The following NID2 variants were observed in gnomAD, a reference collection of about 807,000 sequenced individuals.
NID2 encodes the protein nidogen 2.
A neutral mutation model predicts 145.4 loss-of-function variants in NID2; 83 were observed. That is an observed-to-expected ratio of 0.57 (90% CI 0.48 to 0.69). The LOEUF (loss-of-function observed/expected upper bound fraction) is 0.69, where lower values mean the gene tolerates loss of function less well. NID2 is among the 30% of genes least tolerant of loss of function. NID2 has a pLI of 0.00. For synonymous variants in NID2, 739 were observed against 701.3 expected, an observed-to-expected ratio of 1.05 and a Z score of -0.85; for missense variants, 1,807 against 1,765.7, an observed-to-expected ratio of 1.02 and a Z score of -0.42.
At chr14:52,025,011 A>G (rs1422911057) in intron 12 of NID2, among the ~76,000 whole-genome samples, 1 of 152,224 alleles carries the variant, frequency 6.6e-6, no homozygotes, top group Non-Finnish European at 1.5e-5. Flanking sequence ...TTTGCTTTAA[A>G]CCAGAGAGCT....
rs1219515538 is a variant in NID2, at chr14:52,011,638, C to G, written c.3466G>C (p.Val1156Leu). ...CGTCCAGCAACATCTGTCCAGTACA[C>G]CATCCTCTCCCGGCAGTCGTAATCA... ...GIDYDCRERM[V>L]YWTDVAGRTI... The change falls in exon 17 of 22, where the codon GTG (valine) becomes CTG (leucine). Residue 1156 changes from valine to leucine, a missense_variant. Transcript: ENST00000216286. The G allele has an allele frequency of 6.2e-7, 1 of 1,614,212 alleles. No homozygotes were observed. Among genetic ancestry groups the G allele is most frequent in the Non-Finnish European group, 8.5e-7 (1 of 1,180,018 alleles).
intron 5 of NID2, among the ~76,000 whole-genome samples, chr14:52,043,329 G>A (rs985361465): frequency 6.6e-6 from 1 of 152,194 alleles, no homozygotes; most frequent in African/African-American, 2.4e-5. Flanking sequence ...AGACATAATA[G>A]AGAAGCTAAC....
chr14:52,039,923 A>C (rs1892214334), intron 8 of NID2, among the ~76,000 whole-genome samples: 1 of 152,114 alleles, frequency 6.6e-6, no homozygotes, highest in African/African-American at 2.4e-5. Context: ...TTTTATAATA[A>C]ATTATAGCAT....
At chr14:52,045,101 C>T (rs1355594303) in intron 5 of NID2, among the ~76,000 whole-genome samples, 5 of 152,122 alleles carry the variant, frequency 3.3e-5, no homozygotes, top group Non-Finnish European at 5.9e-5. Context: ...AGATCATGAG[C>T]ACTAGATTAG....
chr14:52,035,018 C>CA (rs11415769), intron 9 of NID2, among the ~76,000 whole-genome samples: 133,826 of 152,140 alleles, frequency 0.88, 58,928 homozygotes, highest in South Asian at 0.94. Flanking sequence ...GCAGAAAGTA[C>CA]GAGCTCCCAT....
At chr14:52,049,884 G>A (rs1267196951) in intron 5 of NID2, among the ~76,000 whole-genome samples, 2 of 152,072 alleles carry the variant, frequency 1.3e-5, no homozygotes, top group South Asian at 2.1e-4. Flanking sequence ...CACAGGCATC[G>A]GGGGGCGGCG....
At position 52,060,258 on chromosome 14, in the gene NID2, G is replaced by C. The variant is rs749280068; in HGVS notation, c.633C>G (p.Pro211=). 6.2e-7 allele frequency: 1 copy of C among 1,613,756 alleles called. No individual in the cohort carries two copies. The highest frequency in any genetic ancestry group is 1.3e-5 in the African/African-American group (1 of 74,810). ...ANGLQFLGTR[P]KESYNVQLQL... is the part of the protein sequence containing the mutation. ...GAAGCTGGACATTGTAAGACTCTTT[G>C]GGGCGGGTTCCAAGGAACTGCAGGC... The change falls in exon 3 of 22, where the codon CCC becomes CCG. Residue 211 remains proline (P), a synonymous_variant. Transcript: ENST00000216286.
At chr14:52,045,442 C>T (rs1189899614) in intron 5 of NID2, among the ~76,000 whole-genome samples, 1 of 151,554 alleles carries the variant, frequency 6.6e-6, no homozygotes, top group Non-Finnish European at 1.5e-5. Context: ...GATGACTTGG[C>T]TAAGAAATTC....
Position 52,038,993 on chromosome 14 carries a change from T to C in NID2, c.2027-16A>G. On this transcript the variant is annotated splice_polypyrimidine_tract_variant and intron_variant, in intron 8 of 21. Transcript: ENST00000216286. Reference sequence around the variant, plus strand: ...GAGGTCACAGCTGCAACAAACACAGTGGTAATTTTTTAAAAATATTAAATA... The same window carrying C: ...GAGGTCACAGCTGCAACAAACACAGCGGTAATTTTTTAAAAATATTAAATA... 6.5e-7 allele frequency: 1 copy of C among 1,539,478 alleles called. No individual in the cohort carries two copies. Among genetic ancestry groups the C allele is most frequent in the Non-Finnish European group, 8.8e-7 (1 of 1,132,162 alleles).
rs142044640 is a variant in NID2 at position 52,060,779 on chromosome 14, A to T, written c.535-423T>A. On this transcript the variant is annotated intron_variant, in intron 2 of 21. Transcript: ENST00000216286. ...GCACTCAGCATCTCTCATTTGCATC[A>T]TTCATTCATTCATTCATTCATCCAT... Among the ~76,000 whole-genome samples, 1,516 of 151,858 alleles carry T rather than the reference A, an allele frequency of 1.0e-2. 25 individuals carry two copies. Among genetic ancestry groups the T allele is most frequent in the African/African-American group, 0.035 (1,454 of 41,192 alleles).
chr14:52,048,730 A>G (rs1300460651), intron 5 of NID2, among the ~76,000 whole-genome samples: 1 of 152,180 alleles, frequency 6.6e-6, no homozygotes, highest in Non-Finnish European at 1.5e-5. Context: ...GGGTCAGACA[A>G]GAGGGTGAGA....
Position 52,027,242 on chromosome 14 carries a change from G to A in NID2, c.2633C>T (p.Ala878Val), listed in dbSNP as rs147631741. ...VHHGGSTFSC[A>V]CLPGYAGDGH... ...ATCGCCGGCATAACCAGGCAGGCAG[G>A]CACAGCTGAACGTGCTGCCTCCATG... Residue 878 changes from alanine to valine, a missense_variant, in exon 12 of 22, where the codon GCC becomes GTC. Transcript: ENST00000216286. The A allele has an allele frequency of 1.6e-5, 26 of 1,582,554 alleles. No individual in the cohort carries two copies. The African/African-American group carries it at 2.9e-4, about 18-fold the overall frequency.
intron 9 of NID2, among the ~76,000 whole-genome samples, chr14:52,032,159 C>T (rs1048496955): frequency 1.3e-5 from 2 of 152,218 alleles, no homozygotes; most frequent in Non-Finnish European, 2.9e-5. Context: ...TAAACTCTTT[C>T]CATCCCACTT....
In NID2 at chr14:52,062,582, C is replaced by T. The variant is rs191069353; in HGVS notation, c.535-2226G>A. Among the ~76,000 whole-genome samples, 1,051 of 152,166 alleles carry T rather than the reference C, an allele frequency of 6.9e-3. 3 individuals carry two copies. Among genetic ancestry groups the T allele is most frequent in the Non-Finnish European group, 0.011 (734 of 67,984 alleles). ...AAAGTACTAGAGGAAGGAGAAAAAA[C>T]CCCATTTCAAAAAGCTAAGCTTTCA... On this transcript the variant is annotated intron_variant, in intron 2 of 21. Transcript: ENST00000216286.
At chr14:52,020,359 G>GA (rs1253752337) in intron 12 of NID2, 181 bp from the exon 13 acceptor site, 32 of 942,326 alleles carry the variant, frequency 3.4e-5, no homozygotes, top group South Asian at 5.5e-5. Context: ...TAGAAAGGAA[G>GA]AAAAAAAATC....
chr14:52,054,326 A>G lies in NID2; in HGVS notation c.768-5T>C, dbSNP rs1342966626. 6.2e-7 allele frequency: 1 copy of G among 1,605,546 alleles called. No individual in the cohort carries two copies. The highest frequency in any genetic ancestry group is 8.5e-7 in the Non-Finnish European group (1 of 1,174,648). On this transcript the variant is annotated splice_region_variant and splice_polypyrimidine_tract_variant and intron_variant, in intron 3 of 21. Transcript: ENST00000216286. ...GGGATCCCCAGGTTGCTTAGTCTAA[A>G]TAAAAAGGAAACAGTCATTGTAACA...
In NID2 at chr14:52,060,155, T is replaced by C. The variant is rs1313252330; in HGVS notation, c.736A>G (p.Ser246Gly). The C allele has an allele frequency of 1.2e-5, 20 of 1,613,668 alleles. No individual in the cohort carries two copies. In the Admixed American group the frequency reaches 3.3e-4, roughly 27 times the overall value. Residue 246 changes from serine to glycine, a missense_variant, in exon 3 of 22, where the codon AGC (serine) becomes GGC (glycine). Ser to Gly is a moderately conservative substitution (Grantham distance 56). Coordinates refer to ENST00000216286, the MANE Select transcript of NID2 (RefSeq NM_007361.4). ...AGATTTTTCACAGACTGTTCAGTGC[T>C]AGTCAAGCTGAAATATGGTCCTTCT... The part of the protein sequence containing the change: ...KSEGPYFSLT[S>G]TEQSVKNLYQ...
chr14:52,016,220 T>C (rs1891210378), intron 14 of NID2, among the ~76,000 whole-genome samples: 1 of 152,218 alleles, frequency 6.6e-6, no homozygotes, highest in African/African-American at 2.4e-5. Flanking sequence ...CAGAAGGTTA[T>C]TGAGATAACT....
chr14:52,042,088 T>C lies in NID2; in HGVS notation c.1825+17A>G. 1 of 1,566,772 alleles carries C rather than the reference T, an allele frequency of 6.4e-7. No homozygotes were observed. ...AAAGCAATGCTGACTACCGGCCTTC[T>C]CAGAGGCCCTACTCACCTGCGAGGC... On this transcript the variant is annotated intron_variant, in intron 7 of 21. Coordinates refer to ENST00000216286, the MANE Select transcript of NID2 (RefSeq NM_007361.4).
Sources: gnomAD v4.1 joint callset for allele counts (sites outside exome capture counted in the v4.1 genomes callset) on GRCh38, gnomAD v4.1.1 for gene constraint, MANE v1.5 for transcripts, NCBI Gene and HGNC (gene_info 2026-07-23, HGNC 2026-07-21) for gene names.